The following FARSB variants were observed in gnomAD, a reference collection of about 807,000 sequenced individuals.
The protein encoded by FARSB is phenylalanyl-tRNA synthetase subunit beta.
A neutral mutation model predicts 69.6 loss-of-function variants in FARSB; 40 were observed. That is an observed-to-expected ratio of 0.57 (90% CI 0.45 to 0.75). The LOEUF is 0.75. Among genes scored for constraint, FARSB ranks in the 30% least tolerant of loss-of-function variants. FARSB has a pLI of 0.00. For synonymous variants in FARSB, 235 were observed against 247.2 expected, an observed-to-expected ratio of 0.95 and a Z score of 0.46; for missense variants, 632 against 722.9, an observed-to-expected ratio of 0.87 and a Z score of 1.44.
rs1332293945 is a variant in FARSB at position 222,640,843 on chromosome 2, A to T, written c.339+19T>A. On this transcript the variant is annotated intron_variant, in intron 4 of 16. Coordinates refer to ENST00000281828, the MANE Select transcript of FARSB (RefSeq NM_005687.5). The stretch of plus-strand genomic sequence containing the variant: ...AAAAGAAAATTTTTAAAAGAAAAAT[A>T]AGAATTTGTCCTTATTACCTCTTCT... 2 of 1,380,252 alleles carry T rather than the reference A, an allele frequency of 1.4e-6. No individual in the cohort carries two copies. The highest frequency in any genetic ancestry group is 2.5e-5 in the South Asian group (2 of 79,580). 85.5% of individuals were successfully genotyped at this position (1,380,252 alleles called of 1,614,324 possible).
At chr2:222,612,398 A>G (rs977989078) in intron 15 of FARSB, among the ~76,000 whole-genome samples, 3 of 152,202 alleles carry the variant, frequency 2.0e-5, no homozygotes, top group Admixed American at 2.0e-4. Flanking sequence ...ATGGGACAAT[A>G]TTGGGGAACA....
intron 12 of FARSB, 59 bp downstream of exon 12, chr2:222,624,213 T>G (rs1354435060): frequency 1.8e-6 from 2 of 1,129,398 alleles, no homozygotes; most frequent in African/African-American, 3.1e-5. Flanking sequence ...GAAGCCTTCC[T>G]GGCATTAAAT....
rs767174696 is a variant in FARSB at position 222,613,865 on chromosome 2, G to A, written c.1408C>T (p.Leu470Phe). ...GAGATTTCAAACAGTTTCAGTGGAA[G>A]GGGCATCTTACGATTTGCTGCTATG... ...KTIAANRKMP[L>F]PLKLFEISDI... Residue 470 changes from leucine to phenylalanine, a missense_variant, in exon 15 of 17, where the codon CTT becomes TTT. Physicochemically the swap from Leu to Phe is conservative, Grantham distance 22. Transcript: ENST00000281828. 2.5e-6 allele frequency: 4 copies of A among 1,613,554 alleles called. No homozygotes were observed. Among genetic ancestry groups the A allele is most frequent in the East Asian group, 2.2e-5 (1 of 44,872 alleles).
chr2:222,643,341 C>A (rs967805640), intron 2 of FARSB, among the ~76,000 whole-genome samples: 2 of 152,142 alleles, frequency 1.3e-5, no homozygotes, highest in African/African-American at 2.4e-5. Flanking sequence ...TTTATTGGAA[C>A]ACAGACAGAC....
At chr2:222,577,370 A>C (rs1317674114) in intron 16 of FARSB, among the ~76,000 whole-genome samples, 4 of 152,186 alleles carry the variant, frequency 2.6e-5, no homozygotes, top group African/African-American at 7.2e-5. Flanking sequence ...ACCATCTTTC[A>C]TCCCTTTCTG....
chr2:222,626,793 G>A (rs1691286225), intron 10 of FARSB, among the ~76,000 whole-genome samples: 1 of 152,110 alleles, frequency 6.6e-6, no homozygotes, highest in South Asian at 2.1e-4. Context: ...CAGCATTTTG[G>A]GAGGCCAAAG....
intron 10 of FARSB, among the ~76,000 whole-genome samples, chr2:222,628,340 A>G (rs1691328848): frequency 6.6e-6 from 1 of 152,236 alleles, no homozygotes; most frequent in Non-Finnish European, 1.5e-5. Context: ...AATGTCTGAT[A>G]TGATGGATAT....
chr2:222,580,012 G>A (rs2106179056), intron 16 of FARSB, among the ~76,000 whole-genome samples: 1 of 152,242 alleles, frequency 6.6e-6, no homozygotes, highest in Non-Finnish European at 1.5e-5. Flanking sequence ...AGAACGACTT[G>A]CCACAACACT....
At chr2:222,654,405 T>C (rs1445932216) in intron 1 of FARSB, among the ~76,000 whole-genome samples, 1 of 152,204 alleles carries the variant, frequency 6.6e-6, no homozygotes, top group African/African-American at 2.4e-5. Flanking sequence ...ATAAATCAAT[T>C]TCATGTTTAG....
chr2:222,640,574 T>C (rs534304589), intron 4 of FARSB, among the ~76,000 whole-genome samples: 16 of 151,560 alleles, frequency 1.1e-4, no homozygotes, highest in African/African-American at 3.9e-4. Flanking sequence ...CTGGGCAACA[T>C]GGTGAAACCC....
chr2:222,618,711 G>A (rs1358091303), intron 14 of FARSB, among the ~76,000 whole-genome samples: 1 of 152,104 alleles, frequency 6.6e-6, no homozygotes, highest in Non-Finnish European at 1.5e-5. Flanking sequence ...AAATGAAACT[G>A]CCAATAAACT....
chr2:222,633,845 A>G (rs1691507010), intron 6 of FARSB, among the ~76,000 whole-genome samples: 1 of 152,214 alleles, frequency 6.6e-6, no homozygotes, highest in Non-Finnish European at 1.5e-5. Flanking sequence ...ACAGATTTGC[A>G]CTGGTATGCC....
intron 15 of FARSB, among the ~76,000 whole-genome samples, chr2:222,603,066 A>G (rs1255035893): frequency 6.6e-6 from 1 of 152,226 alleles, no homozygotes; most frequent in Non-Finnish European, 1.5e-5. Flanking sequence ...ATAGAGAGGA[A>G]GACTGAAAGT....
chr2:222,643,268 A>G (rs2106238895), intron 2 of FARSB, among the ~76,000 whole-genome samples: 1 of 152,322 alleles, frequency 6.6e-6, no homozygotes, highest in South Asian at 2.1e-4. Context: ...CATCTAAACA[A>G]GGGTCAGCAA....
rs1690518537 is a variant in FARSB at position 222,599,980 on chromosome 2, G to C, written c.1566C>G (p.Leu522=). 3 of 1,610,326 alleles carry C rather than the reference G, an allele frequency of 1.9e-6. No individual in the cohort carries two copies. In the South Asian group the frequency reaches 3.3e-5, roughly 18 times the overall value. ...HGLLDRIMQL[L]DVPPGEDKGG... ...CCTTGTCTTCACCAGGAGGCACATC[G>C]AGCAACTGCATAATTCTGTCCAGCA... Residue 522 remains leucine (L), a synonymous_variant, in exon 16 of 17, where the codon CTC becomes CTG. Coordinates refer to ENST00000281828, the MANE Select transcript of FARSB (RefSeq NM_005687.5).
intron 14 of FARSB, among the ~76,000 whole-genome samples, chr2:222,615,345 G>A (rs973438114): frequency 3.9e-5 from 6 of 152,210 alleles, no homozygotes; most frequent in African/African-American, 1.4e-4. Context: ...TTCTCCATAC[G>A]GAGTGGTCCT....
intron 15 of FARSB, among the ~76,000 whole-genome samples, chr2:222,601,413 CAATAAT>C (rs1020800566): frequency 3.1e-4 from 47 of 150,946 alleles, no homozygotes; most frequent in African/African-American, 1.0e-3. Flanking sequence ...CCCATCTCTA[CAATAAT>C]AATAATAATA....
Position 222,613,716 on chromosome 2 carries a change from A to G in FARSB, c.1462+95T>C. ...GGTGCTGGGTACATAGGGGCTAATT[A>G]TACTATTTTTTCTGCTTTTATGTAT... On this transcript the variant is annotated intron_variant, in intron 15 of 16. Coordinates refer to ENST00000281828, the MANE Select transcript of FARSB (RefSeq NM_005687.5). The G allele has an allele frequency of 4.0e-6, 3 of 757,562 alleles. No individual in the cohort carries two copies. The East Asian group carries it at 7.7e-5, about 20-fold the overall frequency. The allele number at this position is 757,562 out of a possible 1,614,324, so 46.9% of individuals were successfully genotyped here.
intron 13 of FARSB, among the ~76,000 whole-genome samples, chr2:222,621,142 A>T (rs546178064): frequency 6.6e-6 from 1 of 152,354 alleles, no homozygotes; most frequent in South Asian, 2.1e-4. Flanking sequence ...CTCTCTGTGT[A>T]AAAGAAAAAC....
Sources: gnomAD v4.1 joint callset for allele counts (sites outside exome capture counted in the v4.1 genomes callset) on GRCh38, gnomAD v4.1.1 for gene constraint, MANE v1.5 for transcripts, NCBI Gene and HGNC (gene_info 2026-07-23, HGNC 2026-07-21) for gene names.